Variants in ADAMTS12 observed in about 807,000 individuals in gnomAD.
ADAMTS12 encodes the protein A disintegrin and metalloproteinase with thrombospondin motifs 12.
ADAMTS12 carries 118 observed loss-of-function variants against 167.8 expected under a neutral mutation model. The ratio of observed to expected loss-of-function variants is 0.70; its 90% CI spans 0.61 to 0.82. The LOEUF (loss-of-function observed/expected upper bound fraction) is 0.82, where lower values mean the gene tolerates loss of function less well. Among genes scored for constraint, ADAMTS12 ranks in the 40% least tolerant of loss-of-function variants. The pLI is 0.00. For synonymous variants in ADAMTS12, 704 were observed against 716.9 expected (o/e 0.98, Z 0.29); for missense variants, 1,916 against 1,998.8 (o/e 0.96, Z 0.79).
intron 2 of ADAMTS12, among the ~76,000 whole-genome samples, chr5:33,784,306 T>G (rs1261831311): frequency 6.6e-6 from 1 of 152,038 alleles, no homozygotes; most frequent in East Asian, 1.9e-4. Flanking sequence ...AAGGCAAATA[T>G]GTCCCCTCTC....
At chr5:33,713,197 G>A (rs537105739) in intron 3 of ADAMTS12, among the ~76,000 whole-genome samples, 1 of 152,250 alleles carries the variant, frequency 6.6e-6, no homozygotes, top group Admixed American at 6.5e-5. Context: ...AAAAGGGCCA[G>A]TCAGGGAGCT....
Position 33,689,187 on chromosome 5 carries a change from C to T in ADAMTS12, c.635-5132G>A, listed in dbSNP as rs80060067. 2.2e-3 allele frequency among the ~76,000 whole-genome samples: 333 copies of T among 152,284 alleles called. 1 individual carries two copies. Among genetic ancestry groups the T allele is most frequent in the African/African-American group, 7.5e-3 (313 of 41,556 alleles). Reference sequence around the variant, plus strand: ...ATTTGATCATTTATCTTAATTCTCACATTAAAACATGTAGTAAATCTTATT... The same window carrying T: ...ATTTGATCATTTATCTTAATTCTCATATTAAAACATGTAGTAAATCTTATT... On this transcript the variant is annotated intron_variant, in intron 3 of 23. Coordinates refer to ENST00000504830, the MANE Select transcript of ADAMTS12 (RefSeq NM_030955.4).
intron 15 of ADAMTS12, 125 bp downstream of exon 15, chr5:33,615,703 C>T (rs2112097098): frequency 7.6e-7 from 1 of 1,310,162 alleles, no homozygotes; most frequent in Non-Finnish European, 1.1e-6. Flanking sequence ...CATTCCCCTC[C>T]CTGCTCCTTG....
chr5:33,569,696 C>T (rs185858909), intron 19 of ADAMTS12, among the ~76,000 whole-genome samples: 24 of 152,316 alleles, frequency 1.6e-4, no homozygotes, highest in African/African-American at 5.5e-4. Flanking sequence ...TGCATCTCCT[C>T]CTCCAAAGGA....
rs188907880 is a variant in ADAMTS12, at chr5:33,815,651, C to T, written c.490-64103G>A. On this transcript the variant is annotated intron_variant, in intron 2 of 23. Coordinates refer to ENST00000504830, the MANE Select transcript of ADAMTS12 (RefSeq NM_030955.4). The stretch of plus-strand genomic sequence containing the variant: ...GGAACAGACTTAGCTAGGACATCAA[C>T]GTTAAAGATGTTGCACAATGAGCAA... Among the ~76,000 whole-genome samples, 10 of 152,282 alleles carry T rather than the reference C, an allele frequency of 6.6e-5. No homozygotes were observed. In the East Asian group the frequency reaches 1.2e-3, roughly 18 times the overall value.
At chr5:33,690,433 G>C (rs1742509373) in intron 3 of ADAMTS12, among the ~76,000 whole-genome samples, 1 of 151,142 alleles carries the variant, frequency 6.6e-6, no homozygotes, top group Non-Finnish European at 1.5e-5. Flanking sequence ...CCTAGCTTAA[G>C]AGTATGGACA....
intron 19 of ADAMTS12, among the ~76,000 whole-genome samples, chr5:33,562,213 G>A (rs762053913): frequency 1.3e-5 from 2 of 152,140 alleles, no homozygotes; most frequent in African/African-American, 2.4e-5. Context: ...GATCACACTC[G>A]GAGTTAGAAA....
At chr5:33,702,991 G>A (rs759882799) in intron 3 of ADAMTS12, among the ~76,000 whole-genome samples, 9 of 152,084 alleles carry the variant, frequency 5.9e-5, no homozygotes, top group Non-Finnish European at 8.8e-5. Flanking sequence ...TCCACAGGTG[G>A]GGAGCACCTT....
intron 2 of ADAMTS12, among the ~76,000 whole-genome samples, chr5:33,795,611 T>C (rs1746743099): frequency 6.6e-6 from 1 of 152,074 alleles, no homozygotes; most frequent in South Asian, 2.1e-4. Flanking sequence ...AGAGGAGCGG[T>C]GGTGAATGGA....
chr5:33,871,797 C>T (rs1750046395), intron 2 of ADAMTS12, among the ~76,000 whole-genome samples: 1 of 152,102 alleles, frequency 6.6e-6, no homozygotes, highest in African/African-American at 2.4e-5. Flanking sequence ...TGGGATATCA[C>T]TACAGATTCC....
chr5:33,674,171 A>C (rs1741820271), intron 5 of ADAMTS12, among the ~76,000 whole-genome samples: 1 of 152,188 alleles, frequency 6.6e-6, no homozygotes, highest in Non-Finnish European at 1.5e-5. Context: ...AAAGGAGAAA[A>C]GGGAGAGAAT....
chr5:33,711,186 A>G (rs1743390909), intron 3 of ADAMTS12, among the ~76,000 whole-genome samples: 1 of 151,762 alleles, frequency 6.6e-6, no homozygotes, highest in Non-Finnish European at 1.5e-5. Context: ...TGACTGACTA[A>G]CCCCACTCAA....
At chr5:33,584,495 AG>A (rs1747234087) in intron 18 of ADAMTS12, among the ~76,000 whole-genome samples, 1 of 152,188 alleles carries the variant, frequency 6.6e-6, no homozygotes, top group Non-Finnish European at 1.5e-5. Flanking sequence ...TGAAAACTTA[AG>A]GGGCCACAAA....
chr5:33,758,924 G>C (rs990878701), intron 2 of ADAMTS12, among the ~76,000 whole-genome samples: 2 of 152,158 alleles, frequency 1.3e-5, no homozygotes, highest in Admixed American at 1.3e-4. Context: ...AGCAGGGAGG[G>C]GAGGAAAATT....
intron 2 of ADAMTS12, among the ~76,000 whole-genome samples, chr5:33,873,163 AT>A (rs201406235): frequency 9.5e-4 from 141 of 148,548 alleles, no homozygotes; most frequent in Admixed American, 1.7e-3. Flanking sequence ...TGCTATGTAG[AT>A]TTAAAAAAAA....
At chr5:33,727,841 T>C (rs1744041793) in intron 3 of ADAMTS12, among the ~76,000 whole-genome samples, 1 of 152,216 alleles carries the variant, frequency 6.6e-6, no homozygotes, top group South Asian at 2.1e-4. Context: ...TCGGTTTGCC[T>C]GTGTTTATGT....
At chr5:33,837,176 C>G (rs1454745928) in intron 2 of ADAMTS12, among the ~76,000 whole-genome samples, 1 of 152,152 alleles carries the variant, frequency 6.6e-6, no homozygotes, top group Non-Finnish European at 1.5e-5. Flanking sequence ...AGGAATGAGA[C>G]CAGGTCAGAG....
At chr5:33,620,819 A>G (rs1366932323) in intron 14 of ADAMTS12, among the ~76,000 whole-genome samples, 2 of 152,192 alleles carry the variant, frequency 1.3e-5, no homozygotes, top group Non-Finnish European at 2.9e-5. Context: ...GTTTTCTCAA[A>G]TTGTCACAAA....
chr5:33,848,131 C>T (rs552780964), intron 2 of ADAMTS12, among the ~76,000 whole-genome samples: 3 of 151,878 alleles, frequency 2.0e-5, no homozygotes, highest in South Asian at 2.1e-4. Context: ...GCAGGAGAGT[C>T]GCTTGAATCC....
Sources: gnomAD v4.1 joint callset for allele counts (sites outside exome capture counted in the v4.1 genomes callset) on GRCh38, gnomAD v4.1.1 for gene constraint, MANE v1.5 for transcripts, NCBI Gene and HGNC (gene_info 2026-07-23, HGNC 2026-07-21) for gene names.